Variants in PRKCE observed in about 807,000 individuals in gnomAD.
PRKCE encodes protein kinase C epsilon type.
A neutral mutation model predicts 85.4 loss-of-function variants in PRKCE; 16 were observed. That is an observed-to-expected ratio of 0.19 (90% CI 0.13 to 0.28). The LOEUF is 0.28. PRKCE is among the 10% of genes least tolerant of loss of function. The pLI, the probability that PRKCE is intolerant of heterozygous loss-of-function variation, is 1.00. For missense variants in PRKCE, 573 were observed against 975.2 expected, an observed-to-expected ratio of 0.59 and a Z score of 5.49; for synonymous variants, 388 against 371.5, an observed-to-expected ratio of 1.04 and a Z score of -0.51.
chr2:46,088,777 C>T (rs947846439), intron 11 of PRKCE, among the ~76,000 whole-genome samples: 2 of 152,112 alleles, frequency 1.3e-5, no homozygotes, highest in Non-Finnish European at 2.9e-5. Context: ...AGATGCCTTC[C>T]CCATCTCTAA....
At chr2:45,832,897 TGTAGA>T (rs1312930410) in intron 1 of PRKCE, among the ~76,000 whole-genome samples, 2 of 152,154 alleles carry the variant, frequency 1.3e-5, no homozygotes, top group African/African-American at 2.4e-5. Context: ...AGGTAACACA[TGTAGA>T]GTATTCAATA....
At chr2:45,799,407 G>T (rs1025295940) in intron 1 of PRKCE, among the ~76,000 whole-genome samples, 1 of 151,902 alleles carries the variant, frequency 6.6e-6, no homozygotes, top group African/African-American at 2.4e-5. Context: ...AAAATATTTG[G>T]TCAGGTTTGG....
chr2:45,721,814 C>T lies in PRKCE; in HGVS notation c.348+69366C>T, dbSNP rs966859811. ...CTTGTTTAAGCCTAGAAGTTCAAAG[C>T]TGCAGTGAGCTATGATCATGCCACT... On this transcript the variant is annotated intron_variant, in intron 1 of 14. Transcript: ENST00000306156. Among the ~76,000 whole-genome samples the T allele has an allele frequency of 1.5e-4, 23 of 151,280 alleles. 1 individual carries two copies. Among genetic ancestry groups the T allele is most frequent in the Admixed American group, 1.3e-3 (20 of 15,168 alleles).
At chr2:45,949,447 G>A (rs1700472915) in intron 2 of PRKCE, among the ~76,000 whole-genome samples, 1 of 141,558 alleles carries the variant, frequency 7.1e-6, no homozygotes, top group Non-Finnish European at 1.5e-5. Context: ...TTCCTTGAGG[G>A]TAGGAGTTTT....
chr2:45,795,779 A>T (rs978776445), intron 1 of PRKCE, among the ~76,000 whole-genome samples: 6 of 152,024 alleles, frequency 3.9e-5, no homozygotes, highest in Non-Finnish European at 8.8e-5. Context: ...GCCCCTTCTC[A>T]TGTCACTGTC....
intron 1 of PRKCE, among the ~76,000 whole-genome samples, chr2:45,818,058 C>T (rs1373923710): frequency 1.3e-5 from 2 of 152,180 alleles, no homozygotes; most frequent in South Asian, 2.1e-4. Flanking sequence ...GAGGGTAGCA[C>T]ATTTGTGATT....
At chr2:45,970,592 T>C (rs572337463) in intron 2 of PRKCE, among the ~76,000 whole-genome samples, 1 of 152,194 alleles carries the variant, frequency 6.6e-6, no homozygotes, top group African/African-American at 2.4e-5. Flanking sequence ...TAAGAAGATA[T>C]GGCAACCCCA....
chr2:46,018,959 G>C (rs1706405896), intron 10 of PRKCE, among the ~76,000 whole-genome samples: 1 of 152,248 alleles, frequency 6.6e-6, no homozygotes, highest in Admixed American at 6.5e-5. Flanking sequence ...GCTCTGCCCA[G>C]TGCTGGCCAG....
chr2:45,655,183 G>A (rs1314926917), intron 1 of PRKCE, among the ~76,000 whole-genome samples: 1 of 152,142 alleles, frequency 6.6e-6, no homozygotes, highest in South Asian at 2.1e-4. Flanking sequence ...ATGAGGCCCT[G>A]GGTTACTCTC....
At position 45,917,288 on chromosome 2, in the gene PRKCE, T is replaced by C. The variant is rs940918963; in HGVS notation, c.413-59141T>C. Among the ~76,000 whole-genome samples, 4 of 152,188 alleles carry C rather than the reference T, an allele frequency of 2.6e-5. No individual in the cohort carries two copies. In the South Asian group the frequency reaches 6.2e-4, roughly 24 times the overall value. ...AGAGTAGCTAGATACAGAGTGTCAATTGGTGCGTTCACAAACCCTGAGCTA... is the reference window on the plus strand; with the variant it reads ...AGAGTAGCTAGATACAGAGTGTCAACTGGTGCGTTCACAAACCCTGAGCTA... On this transcript the variant is annotated intron_variant, in intron 2 of 14. Transcript: ENST00000306156.
At chr2:45,656,504 G>A (rs1395278999) in intron 1 of PRKCE, among the ~76,000 whole-genome samples, 1 of 152,218 alleles carries the variant, frequency 6.6e-6, no homozygotes, top group Non-Finnish European at 1.5e-5. Flanking sequence ...GAAAGATTTT[G>A]CTGATGCTTT....
chr2:45,995,394 A>G (rs1028833964), intron 6 of PRKCE, among the ~76,000 whole-genome samples: 1 of 152,102 alleles, frequency 6.6e-6, no homozygotes, highest in African/African-American at 2.4e-5. Flanking sequence ...ATGTCCATGC[A>G]TCATGGTGTT....
intron 10 of PRKCE, 106 bp from the exon 11 acceptor site, chr2:46,086,102 C>T: frequency 5.7e-6 from 7 of 1,228,948 alleles, no homozygotes; most frequent in Non-Finnish European, 8.0e-6. Flanking sequence ...TTTGAGGCTT[C>T]TTCCCCCTTG....
At chr2:45,921,385 C>T (rs1698236288) in intron 2 of PRKCE, among the ~76,000 whole-genome samples, 1 of 152,242 alleles carries the variant, frequency 6.6e-6, no homozygotes, top group Non-Finnish European at 1.5e-5. Context: ...GCAGAGCCCT[C>T]TTAAAAGATG....
rs1469009912 is a variant in PRKCE, at chr2:45,771,725, G to GTGTGTA, written c.349-71270_349-71269insATGTGT. 3.3e-5 allele frequency among the ~76,000 whole-genome samples: 5 copies of GTGTGTA among 151,960 alleles called. No homozygotes were observed. The South Asian group carries it at 6.2e-4, about 19-fold the overall frequency. ...GGCGTGTGTGTGTGTGTGTGTGTGTGTGTGTGTGTGTGAGTGTGTGTTGGG... is the reference window on the plus strand; with the variant it reads ...GGCGTGTGTGTGTGTGTGTGTGTGTGTGTGTATGTGTGTGTGTGAGTGTGTGTTGGG... On this transcript the variant is annotated intron_variant, in intron 1 of 14. Transcript: ENST00000306156.
intron 14 of PRKCE, among the ~76,000 whole-genome samples, chr2:46,174,720 G>T (rs1679258752): frequency 6.6e-6 from 1 of 152,098 alleles, no homozygotes; most frequent in Non-Finnish European, 1.5e-5. Context: ...ATAAGATCTG[G>T]CACTGTCACC....
intron 1 of PRKCE, among the ~76,000 whole-genome samples, chr2:45,825,682 G>A (rs762648450): frequency 2.0e-5 from 3 of 152,134 alleles, no homozygotes; most frequent in South Asian, 2.1e-4. Context: ...CCAGGAGTTC[G>A]AGACCAGCCT....
intron 1 of PRKCE, among the ~76,000 whole-genome samples, chr2:45,798,915 C>A (rs1267235024): frequency 1.3e-5 from 2 of 151,976 alleles, no homozygotes; most frequent in South Asian, 2.1e-4. Flanking sequence ...CGCCTATAAT[C>A]CCAGCACTTT....
At chr2:45,939,307 G>A (rs1699709565) in intron 2 of PRKCE, among the ~76,000 whole-genome samples, 1 of 152,134 alleles carries the variant, frequency 6.6e-6, no homozygotes, top group Non-Finnish European at 1.5e-5. Context: ...CTTGTCTAAA[G>A]CCAGCACTGC....
Sources: gnomAD v4.1 joint callset for allele counts (sites outside exome capture counted in the v4.1 genomes callset) on GRCh38, gnomAD v4.1.1 for gene constraint, MANE v1.5 for transcripts, NCBI Gene and HGNC (gene_info 2026-07-23, HGNC 2026-07-21) for gene names.